Variants in DMD observed in about 807,000 individuals in gnomAD.
The protein encoded by DMD is dystrophin.
Under a neutral mutation model 330.1 loss-of-function variants are expected in DMD, and 63 were observed. That is an observed-to-expected ratio of 0.19 (90% CI 0.16 to 0.24). DMD has a LOEUF of 0.24. DMD is among the 10% of genes least tolerant of loss of function. The pLI is 1.00. For synonymous variants in DMD, 1,223 were observed against 959.8 expected, an observed-to-expected ratio of 1.27 and a Z score of -5.07; for missense variants, 3,344 against 2,684.1, an observed-to-expected ratio of 1.25 and a Z score of -5.43.
At chrX:32,180,451 CA>C (rs2096923345) in intron 44 of DMD, among the ~76,000 whole-genome samples, 1 of 111,061 alleles carries the variant, frequency 9.0e-6, no homozygotes, top group South Asian at 3.8e-4. Flanking sequence ...AGAATTCTGG[CA>C]GGTTTTAGTG....
intron 50 of DMD, among the ~76,000 whole-genome samples, chrX:31,789,614 T>C (rs2091474764): frequency 1.8e-5 from 2 of 111,733 alleles, no homozygotes; most frequent in African/African-American, 6.5e-5. Context: ...ATTTTTTTCA[T>C]TAGTAGAAAA....
At chrX:31,743,199 A>G (rs748672849) in intron 51 of DMD, among the ~76,000 whole-genome samples, 1 of 112,496 alleles carries the variant, frequency 8.9e-6, no homozygotes, top group South Asian at 3.7e-4. Context: ...AAAAAATGAC[A>G]GATGCTGCTG....
chrX:31,331,996 G>T (rs2057152161), intron 61 of DMD, among the ~76,000 whole-genome samples: 1 of 111,976 alleles, frequency 8.9e-6, no homozygotes, highest in South Asian at 3.8e-4. Context: ...TTGAATTTGG[G>T]GCCCATTTTT....
At chrX:31,899,652 T>C (rs1467937731) in intron 47 of DMD, among the ~76,000 whole-genome samples, 1 of 111,155 alleles carries the variant, frequency 9.0e-6, no homozygotes, top group Non-Finnish European at 1.9e-5. Context: ...AATAGGACGA[T>C]ATACATTCCA....
intron 7 of DMD, among the ~76,000 whole-genome samples, chrX:32,807,122 T>TTAAAAAAAAAAAAAA (rs1345640031): frequency 8.2e-4 from 17 of 20,742 alleles, no homozygotes; most frequent in African/African-American, 3.8e-3. Flanking sequence ...CGGAAACATT[T>TTAAAAAAAAAAAAAA]AAAAAAAAAA....
At chrX:33,164,022 T>C (rs942081532) in intron 1 of DMD, among the ~76,000 whole-genome samples, 7 of 111,732 alleles carry the variant, frequency 6.3e-5, no homozygotes, top group Non-Finnish European at 1.3e-4. Flanking sequence ...TAGATATTTT[T>C]TCTGCTTATT....
chrX:32,505,164 A>G (rs1171996989), intron 18 of DMD, among the ~76,000 whole-genome samples: 2 of 111,646 alleles, frequency 1.8e-5, no homozygotes, highest in African/African-American at 6.5e-5. Flanking sequence ...GAAAGAATTA[A>G]TAAGTTGAAT....
rs1557025629 is a variant in DMD, at chrX:31,951,159, G to GTATGTATATATATATA, written c.6614+17179_6614+17180insTATATATATATACATA. On this transcript the variant is annotated intron_variant, in intron 45 of 78. Coordinates refer to ENST00000357033, the MANE Select transcript of DMD (RefSeq NM_004006.3). ...TATATATGTGTATATATATATATAT[G>GTATGTATATATATATA]TATATATATATATATGTATATATAT... Among the ~76,000 whole-genome samples the GTATGTATATATATATA allele has an allele frequency of 7.7e-4, 55 of 71,700 alleles. 1 individual carries two copies. Among genetic ancestry groups the GTATGTATATATATATA allele is most frequent in the African/African-American group, 2.8e-3 (51 of 17,954 alleles). The allele number at this position is 71,700 out of a possible 115,157, so 62.3% of individuals were successfully genotyped here. A position where few individuals can be genotyped will look rare whatever the true frequency, so the allele number is the denominator to read the frequency against.
rs765566050 is a variant in DMD, at chrX:33,052,632, A to G, written c.32-32432T>C. On this transcript the variant is annotated intron_variant, in intron 1 of 78. Coordinates refer to ENST00000357033, the MANE Select transcript of DMD (RefSeq NM_004006.3). ...TAGAAACAAAACAGATTAACATCAAAAAGTGCAATAAAATTATATATTTTG... is the reference window on the plus strand; with the variant it reads ...TAGAAACAAAACAGATTAACATCAAGAAGTGCAATAAAATTATATATTTTG... 4.5e-5 allele frequency among the ~76,000 whole-genome samples: 5 copies of G among 112,101 alleles called. No homozygotes were observed. In the South Asian group the frequency reaches 1.8e-3, roughly 41 times the overall value.
chrX:32,887,837 G>C (rs1434681196), intron 2 of DMD, among the ~76,000 whole-genome samples: 1 of 102,533 alleles, frequency 9.8e-6, no homozygotes, highest in African/African-American at 3.6e-5. Context: ...GAACCCAAGA[G>C]CATAGGCAAC....
intron 23 of DMD, among the ~76,000 whole-genome samples, chrX:32,467,581 T>C (rs2148451461): frequency 9.1e-6 from 1 of 109,390 alleles, no homozygotes; most frequent in African/African-American, 3.3e-5. Context: ...ATGTGATATA[T>C]ATTACATTAG....
chrX:32,400,239 T>C (rs1224146715), intron 30 of DMD, among the ~76,000 whole-genome samples: 1 of 112,109 alleles, frequency 8.9e-6, no homozygotes, highest in African/African-American at 3.2e-5. Flanking sequence ...TCTTTGGCTC[T>C]GTTTAGATGC....
chrX:32,552,527 C>G (rs1268645402), intron 16 of DMD, among the ~76,000 whole-genome samples: 1 of 111,677 alleles, frequency 9.0e-6, no homozygotes, highest in Non-Finnish European at 1.9e-5. Flanking sequence ...GACTTCATAA[C>G]AAAGACACCA....
At chrX:31,393,020 T>C (rs901459007) in intron 60 of DMD, among the ~76,000 whole-genome samples, 1 of 112,184 alleles carries the variant, frequency 8.9e-6, no homozygotes, top group East Asian at 2.8e-4. Flanking sequence ...CATTCAGCCA[T>C]ATTCTGTCAT....
At chrX:33,023,105 CATT>C (rs1187920560) in intron 1 of DMD, among the ~76,000 whole-genome samples, 2 of 111,784 alleles carry the variant, frequency 1.8e-5, no homozygotes, top group East Asian at 2.8e-4. Flanking sequence ...TCTTATATAT[CATT>C]ATGGAAACAT....
At chrX:33,102,421 A>G (rs2095248828) in intron 1 of DMD, among the ~76,000 whole-genome samples, 1 of 110,334 alleles carries the variant, frequency 9.1e-6, no homozygotes, top group Admixed American at 9.8e-5. Context: ...TATTTGACAA[A>G]GTTCTAATTA....
intron 7 of DMD, among the ~76,000 whole-genome samples, chrX:32,802,531 A>G (rs1173026132): frequency 2.7e-5 from 3 of 111,624 alleles, no homozygotes; most frequent in Admixed American, 1.9e-4. Flanking sequence ...GAGTGATGAG[A>G]GAGGGAATTT....
intron 1 of DMD, among the ~76,000 whole-genome samples, chrX:33,121,231 C>CTT (rs1246677116): frequency 2.1e-5 from 2 of 95,069 alleles, no homozygotes; most frequent in Non-Finnish European, 2.0e-5. Flanking sequence ...ATTTATCATT[C>CTT]TTTTTTTTTT....
chrX:32,644,229 A>G lies in DMD; in HGVS notation c.1234T>C (p.Leu412=). Residue 412 remains leucine (L), a synonymous_variant, in exon 11 of 79, where the codon TTA becomes CTA. Transcript: ENST00000357033. The part of the protein sequence containing the change: ...LGSKLIGTGK[L]SEDEETEVQE... ...ACTTCAGTTTCTTCATCTTCTGATA[A>G]TTTTCCTGTTCCAATCAGCTTACTT... 8.3e-7 allele frequency: 1 copy of G among 1,210,832 alleles called. No individual in the cohort carries two copies.
Sources: allele counts gnomAD v4.1 joint callset (sites outside exome capture counted in the v4.1 genomes callset), GRCh38; gene constraint gnomAD v4.1.1; transcripts MANE v1.5; gene names NCBI Gene and HGNC (gene_info 2026-07-23, HGNC 2026-07-21).